Variants in FAM227B observed in about 807,000 individuals in gnomAD.
FAM227B encodes family with sequence similarity 227 member B, also known as protein FAM227B.
Under a neutral mutation model 73.8 loss-of-function variants are expected in FAM227B, and 88 were observed. The ratio of observed to expected loss-of-function variants is 1.19; its 90% CI spans 1.00 to 1.42. The LOEUF is 1.42. Ranked by LOEUF, FAM227B falls within the 40% of genes most tolerant of loss-of-function variation. The probability of loss-of-function intolerance (pLI) is 0.00; values close to 1 mark genes in which losing one functional copy is unlikely to be tolerated. For missense variants in FAM227B, 632 were observed against 590.9 expected, an observed-to-expected ratio of 1.07 and a Z score of -0.72; for synonymous variants, 210 against 190.5, an observed-to-expected ratio of 1.10 and a Z score of -0.84.
At chr15:49,442,241 C>CTA (rs1447301929) in intron 11 of FAM227B, among the ~76,000 whole-genome samples, 1 of 151,558 alleles carries the variant, frequency 6.6e-6, no homozygotes. Flanking sequence ...TTTTCCTAGA[C>CTA]TATAAACATC....
intron 11 of FAM227B, among the ~76,000 whole-genome samples, chr15:49,447,902 G>A (rs1262829030): frequency 6.6e-6 from 1 of 151,578 alleles, no homozygotes; most frequent in African/African-American, 2.4e-5. Flanking sequence ...ATTAATATAA[G>A]GTAGAGGTAG....
chr15:49,607,997 G>A (rs1043407252), intron 3 of FAM227B, among the ~76,000 whole-genome samples: 4 of 152,116 alleles, frequency 2.6e-5, no homozygotes, highest in Admixed American at 6.5e-5. Context: ...AAGGCAAATC[G>A]AGTCAACTAG....
At chr15:49,618,174 C>T (rs1313471417) in intron 1 of FAM227B, among the ~76,000 whole-genome samples, 3 of 152,096 alleles carry the variant, frequency 2.0e-5, no homozygotes, top group Non-Finnish European at 4.4e-5. Context: ...CTTTGGGGGC[C>T]ATTATTCTAT....
intron 11 of FAM227B, among the ~76,000 whole-genome samples, chr15:49,506,207 A>G (rs967585700): frequency 6.6e-6 from 1 of 152,054 alleles, no homozygotes; most frequent in African/African-American, 2.4e-5. Context: ...AAATATCAAT[A>G]AAGATATAGA....
chr15:49,385,057 A>C (rs1028656110), intron 11 of FAM227B, among the ~76,000 whole-genome samples: 10 of 151,934 alleles, frequency 6.6e-5, no homozygotes, highest in Non-Finnish European at 1.3e-4. Flanking sequence ...ATAGCATTTG[A>C]GTCTTCTCTG....
intron 11 of FAM227B, chr15:49,425,528 T>C (rs2050052669): frequency 6.6e-6 from 1 of 152,008 alleles, no homozygotes; most frequent in Non-Finnish European, 1.5e-5. Flanking sequence ...TTGTTATTAA[T>C]ATATAATTTC....
chr15:49,405,419 A>T (rs755612504), intron 11 of FAM227B, among the ~76,000 whole-genome samples: 53 of 152,048 alleles, frequency 3.5e-4, no homozygotes, highest in Non-Finnish European at 1.5e-5. Flanking sequence ...TCTTTAAATA[A>T]TCCCATATTT....
chr15:49,481,756 T>C (rs2055967142), intron 11 of FAM227B, among the ~76,000 whole-genome samples: 1 of 152,222 alleles, frequency 6.6e-6, no homozygotes, highest in Non-Finnish European at 1.5e-5. Flanking sequence ...TATAAAAGAT[T>C]AATATCCATT....
chr15:49,464,602 A>G (rs1156587828), intron 11 of FAM227B, among the ~76,000 whole-genome samples: 1 of 152,242 alleles, frequency 6.6e-6, no homozygotes, highest in African/African-American at 2.4e-5. Flanking sequence ...TAAATTATAC[A>G]AGATAAAAGT....
intron 13 of FAM227B, among the ~76,000 whole-genome samples, chr15:49,349,648 C>CAG (rs1261565520): frequency 1.1e-4 from 17 of 152,032 alleles, no homozygotes; most frequent in African/African-American, 4.1e-4. Context: ...GGGAATTGAG[C>CAG]AGAGATTCAC....
intron 11 of FAM227B, among the ~76,000 whole-genome samples, chr15:49,465,206 T>G (rs1238076132): frequency 6.6e-6 from 1 of 152,112 alleles, no homozygotes; most frequent in African/African-American, 2.4e-5. Context: ...CTCAACTCAC[T>G]GCAACCTCTG....
At chr15:49,419,509 A>G (rs1440590095) in intron 11 of FAM227B, among the ~76,000 whole-genome samples, 2 of 152,222 alleles carry the variant, frequency 1.3e-5, no homozygotes. Flanking sequence ...ACACAGTTTA[A>G]TATTTCATAA....
chr15:49,407,791 T>C (rs1445507270), intron 11 of FAM227B, among the ~76,000 whole-genome samples: 1 of 151,882 alleles, frequency 6.6e-6, no homozygotes. Context: ...ACCCCCACAA[T>C]CAAGATATAG....
intron 11 of FAM227B, among the ~76,000 whole-genome samples, chr15:49,482,908 T>G (rs964347808): frequency 3.9e-5 from 6 of 151,938 alleles, no homozygotes; most frequent in Admixed American, 6.6e-5. Context: ...TATGTAACTA[T>G]TTATTTGATA....
At chr15:49,419,522 C>T (rs2049450522) in intron 11 of FAM227B, among the ~76,000 whole-genome samples, 2 of 152,074 alleles carry the variant, frequency 1.3e-5, no homozygotes. Context: ...TTTCATAAGC[C>T]CATTCTGCCA....
intron 10 of FAM227B, among the ~76,000 whole-genome samples, chr15:49,524,166 T>C (rs2152188890): frequency 6.6e-6 from 1 of 152,300 alleles, no homozygotes; most frequent in Non-Finnish European, 1.5e-5. Context: ...CATCAGGGCA[T>C]GTCAGAGGTC....
chr15:49,457,408 A>C (rs761302499), intron 11 of FAM227B, among the ~76,000 whole-genome samples: 32 of 152,060 alleles, frequency 2.1e-4, no homozygotes, highest in Admixed American at 4.6e-4. Flanking sequence ...CAAATTTCAA[A>C]GCTGAATGGT....
Position 49,459,723 on chromosome 15 carries a change from G to A in FAM227B, c.1012+48488C>T, listed in dbSNP as rs547849777. 1.4e-4 allele frequency among the ~76,000 whole-genome samples: 21 copies of A among 152,214 alleles called. 1 individual carries two copies. The South Asian group carries it at 3.1e-3, about 23-fold the overall frequency. ...TACACATTTTCAGGGGCCAAAACCA[G>A]GCTATAGTTCATGACATAAGCTGTG... On this transcript the variant is annotated intron_variant, in intron 11 of 15. Transcript: ENST00000299338.
chr15:49,540,075 C>G (rs2070844538), intron 10 of FAM227B, among the ~76,000 whole-genome samples: 2 of 152,114 alleles, frequency 1.3e-5, no homozygotes, highest in African/African-American at 4.8e-5. Context: ...AGCAGTCTCT[C>G]TCTCTCTCTC....
Sources: allele counts gnomAD v4.1 joint callset (sites outside exome capture counted in the v4.1 genomes callset), GRCh38; gene constraint gnomAD v4.1.1; transcripts MANE v1.5; gene names NCBI Gene and HGNC (gene_info 2026-07-23, HGNC 2026-07-21).